NOVA1: variants seen among roughly 807,000 people sequenced by gnomAD.
NOVA1 encodes NOVA alternative splicing regulator 1.
Under a neutral mutation model 38.0 loss-of-function variants are expected in NOVA1, and 7 were observed. The observed-to-expected ratio is 0.18, with a 90% CI of 0.10 to 0.35. NOVA1 has a LOEUF of 0.35. NOVA1 is among the 10% of genes least tolerant of loss of function. NOVA1 has a pLI of 1.00. For missense variants in NOVA1, 460 were observed against 616.0 expected (o/e 0.75, Z 2.68); for synonymous variants, 270 against 232.5 (o/e 1.16, Z -1.47).
intron 2 of NOVA1, among the ~76,000 whole-genome samples, chr14:26,514,683 T>A (rs1156388088): frequency 2.0e-5 from 3 of 151,850 alleles, no homozygotes; most frequent in African/African-American, 7.2e-5. Flanking sequence ...AAACTGGTAT[T>A]ATACCAGTAC....
At chr14:26,522,934 T>C (rs1033073972) in intron 2 of NOVA1, among the ~76,000 whole-genome samples, 2 of 152,190 alleles carry the variant, frequency 1.3e-5, no homozygotes, top group African/African-American at 2.4e-5. Context: ...TAGCTTCAAC[T>C]CATCTCATTA....
At chr14:26,484,661 T>G (rs985460451) in intron 2 of NOVA1, among the ~76,000 whole-genome samples, 7 of 152,052 alleles carry the variant, frequency 4.6e-5, no homozygotes, top group Non-Finnish European at 8.8e-5. Context: ...GCTTTTTTTC[T>G]CCTTGAATCT....
At chr14:26,553,626 CAA>C (rs1484323556) in intron 2 of NOVA1, among the ~76,000 whole-genome samples, 2 of 152,050 alleles carry the variant, frequency 1.3e-5, no homozygotes, top group Non-Finnish European at 2.9e-5. Context: ...TCTGCAAAAG[CAA>C]AGAGTGTAGT....
chr14:26,480,246 A>C, intron 2 of NOVA1, 103 bp from the exon 3 acceptor site: 1 of 912,422 alleles, frequency 1.1e-6, no homozygotes. Context: ...AAAATGCAGA[A>C]CTCTAACGTA....
At chr14:26,575,161 G>C (rs990025939) in intron 2 of NOVA1, among the ~76,000 whole-genome samples, 9 of 152,106 alleles carry the variant, frequency 5.9e-5, no homozygotes, top group African/African-American at 2.2e-4. Flanking sequence ...ATAAATAAAA[G>C]TTCAAATTGC....
At chr14:26,455,105 AGTTT>A (rs1883051658) in intron 4 of NOVA1, among the ~76,000 whole-genome samples, 1 of 152,174 alleles carries the variant, frequency 6.6e-6, no homozygotes, top group Non-Finnish European at 1.5e-5. Context: ...AACTTCCACT[AGTTT>A]GTTTAATCTA....
intron 2 of NOVA1, among the ~76,000 whole-genome samples, chr14:26,519,935 T>A (rs1327241864): frequency 6.6e-6 from 1 of 152,218 alleles, no homozygotes; most frequent in Non-Finnish European, 1.5e-5. Flanking sequence ...TCTGTTGATA[T>A]ACACGTGCAG....
rs142754654 is a variant in NOVA1, at chr14:26,453,229, G to A, written c.520-4266C>T. ...GTATGTATTTATTTATTTTTAGAGAGGGGGGTCTCCCTTTGCCACCCAGGC... is the reference window on the plus strand; with the variant it reads ...GTATGTATTTATTTATTTTTAGAGAAGGGGGTCTCCCTTTGCCACCCAGGC... On this transcript the variant is annotated intron_variant, in intron 4 of 4. Transcript: ENST00000539517. Among the ~76,000 whole-genome samples, 566 of 141,748 alleles carry A rather than the reference G, an allele frequency of 4.0e-3. 3 individuals are homozygous for A. Among genetic ancestry groups the A allele is most frequent in the African/African-American group, 0.014 (539 of 39,236 alleles). The allele number at this position is 141,748 out of a possible 152,430, so 93.0% of individuals were successfully genotyped here. A position where few individuals can be genotyped will look rare whatever the true frequency, so the allele number is the denominator to read the frequency against.
Position 26,574,375 on chromosome 14 carries a change from G to A in NOVA1, c.280+21035C>T, listed in dbSNP as rs934629906. On this transcript the variant is annotated intron_variant, in intron 2 of 4. Transcript: ENST00000539517. ...TTTAAAGATTCTCAGAAATAGAAACGAGTATCATAAAATTGGGAAAAATAA... is the reference window on the plus strand; with the variant it reads ...TTTAAAGATTCTCAGAAATAGAAACAAGTATCATAAAATTGGGAAAAATAA... Among the ~76,000 whole-genome samples, 9 of 149,552 alleles carry A rather than the reference G, an allele frequency of 6.0e-5. No individual in the cohort carries two copies. In the East Asian group the frequency reaches 9.9e-4, roughly 17 times the overall value.
chr14:26,576,690 TATATAATC>T (rs1459327884), intron 2 of NOVA1, among the ~76,000 whole-genome samples: 2 of 151,848 alleles, frequency 1.3e-5, no homozygotes, highest in African/African-American at 2.4e-5. Flanking sequence ...ATTTTATTTT[TATATAATC>T]TAATGAACAG....
chr14:26,583,408 T>C (rs750384648), intron 2 of NOVA1, among the ~76,000 whole-genome samples: 71 of 151,622 alleles, frequency 4.7e-4, no homozygotes, highest in Non-Finnish European at 9.8e-4. Context: ...TCCTTTTTTA[T>C]ATTGAATTCA....
chr14:26,451,856 C>T (rs1882711357), intron 4 of NOVA1, among the ~76,000 whole-genome samples: 1 of 152,024 alleles, frequency 6.6e-6, no homozygotes, highest in Admixed American at 6.6e-5. Context: ...TTCAAAGAAT[C>T]TTAAATAACA....
chr14:26,595,373 G>C, intron 2 of NOVA1, 37 bp downstream of exon 2: 1 of 1,594,478 alleles, frequency 6.3e-7, no homozygotes, highest in African/African-American at 1.3e-5. Flanking sequence ...TTTCCTGTGG[G>C]GAGCTCATCA....
intron 3 of NOVA1, among the ~76,000 whole-genome samples, chr14:26,476,308 A>G (rs1411983289): frequency 2.0e-5 from 3 of 152,178 alleles, no homozygotes; most frequent in Non-Finnish European, 4.4e-5. Context: ...AACAAACAGC[A>G]TAAGTGACTT....
chr14:26,449,735 T>C (rs1882471557), intron 4 of NOVA1, among the ~76,000 whole-genome samples: 3 of 152,136 alleles, frequency 2.0e-5, no homozygotes. Context: ...TTGGCTATCA[T>C]TGCTACATTT....
chr14:26,586,628 A>C (rs775660954), intron 2 of NOVA1, among the ~76,000 whole-genome samples: 2 of 151,254 alleles, frequency 1.3e-5, no homozygotes, highest in Non-Finnish European at 3.0e-5. Context: ...AGTATAGCTA[A>C]GGAATGATGA....
At chr14:26,551,839 A>G (rs1459578113) in intron 2 of NOVA1, among the ~76,000 whole-genome samples, 1 of 152,054 alleles carries the variant, frequency 6.6e-6, no homozygotes, top group Non-Finnish European at 1.5e-5. Context: ...ATATAAAGAT[A>G]TAATAACCAT....
At chr14:26,470,726 T>A (rs569579569) in intron 4 of NOVA1, among the ~76,000 whole-genome samples, 7 of 152,140 alleles carry the variant, frequency 4.6e-5, no homozygotes, top group Admixed American at 1.3e-4. Flanking sequence ...TAAGAATAAA[T>A]GAAAGAAAAT....
intron 2 of NOVA1, among the ~76,000 whole-genome samples, chr14:26,540,012 C>A (rs1890362146): frequency 6.6e-6 from 1 of 152,126 alleles, no homozygotes; most frequent in Non-Finnish European, 1.5e-5. Context: ...GGGTTTAAGT[C>A]TTTTGTAACA....
Sources: allele counts gnomAD v4.1 joint callset (sites outside exome capture counted in the v4.1 genomes callset), GRCh38; gene constraint gnomAD v4.1.1; transcripts MANE v1.5; gene names NCBI Gene and HGNC (gene_info 2026-07-23, HGNC 2026-07-21).